Variants in ENPEP observed in about 807,000 individuals in gnomAD.
ENPEP encodes glutamyl aminopeptidase, also known as AP-A.
ENPEP carries 103 observed loss-of-function variants against 114.5 expected under a neutral mutation model. That is an observed-to-expected ratio of 0.90 (90% CI 0.77 to 1.06). The LOEUF is 1.06. ENPEP is among the 50% of genes least tolerant of loss of function. ENPEP has a pLI of 0.00. For synonymous variants in ENPEP, 420 were observed against 422.0 expected (o/e 1.00, Z 0.06); for missense variants, 1,196 against 1,161.3 (o/e 1.03, Z -0.43).
chr4:110,496,491 C>G (rs571076371), intron 3 of ENPEP, among the ~76,000 whole-genome samples: 1 of 152,270 alleles, frequency 6.6e-6, no homozygotes, highest in South Asian at 2.1e-4. Context: ...CAATGTAATA[C>G]AATACTATTA....
chr4:110,531,554 G>C (rs907202731), intron 11 of ENPEP, among the ~76,000 whole-genome samples: 1 of 152,030 alleles, frequency 6.6e-6, no homozygotes, highest in Non-Finnish European at 1.5e-5. Flanking sequence ...AGATCAATGT[G>C]TAAGTTTCCT....
At chr4:110,480,042 A>C (rs1481670058) in intron 1 of ENPEP, among the ~76,000 whole-genome samples, 1 of 152,160 alleles carries the variant, frequency 6.6e-6, no homozygotes, top group East Asian at 1.9e-4. Context: ...AGCTCAGTTG[A>C]CTTAACTTTT....
In ENPEP at chr4:110,549,716, C is replaced by A. The variant is rs1328848677; in HGVS notation, c.2331C>A (p.Ser777Arg). 11 of 1,612,654 alleles carry A rather than the reference C, an allele frequency of 6.8e-6. No homozygotes were observed. The highest frequency in any genetic ancestry group is 7.6e-6 in the Non-Finnish European group (9 of 1,179,370). ...TCTGAAACACTGTTTCTTCTTCTAG[C>A]CTTCCCGTAAATCTCAGGCTTCTGG... ...LFEQWLNGTV[S>R]LPVNLRLLVY... Residue 777 changes from serine to arginine, a missense_variant and splice_region_variant, in exon 17 of 20, where the codon AGC becomes AGA. Physicochemically the swap from Ser to Arg is moderately radical, Grantham distance 110 (BLOSUM62 -1). Coordinates refer to ENST00000265162, the MANE Select transcript of ENPEP (RefSeq NM_001977.4).
chr4:110,523,541 G>A (rs1388079143), intron 10 of ENPEP, among the ~76,000 whole-genome samples: 1 of 152,144 alleles, frequency 6.6e-6, no homozygotes, highest in Non-Finnish European at 1.5e-5. Flanking sequence ...TTGGACCATG[G>A]TGTAAGAAAT....
intron 13 of ENPEP, among the ~76,000 whole-genome samples, chr4:110,546,380 A>T (rs1167054716): frequency 6.6e-6 from 1 of 151,346 alleles, no homozygotes; most frequent in African/African-American, 2.4e-5. Context: ...CAATTACTTT[A>T]TATTGTCCTC....
chr4:110,505,091 G>C (rs558549765), intron 3 of ENPEP, among the ~76,000 whole-genome samples: 6 of 152,258 alleles, frequency 3.9e-5, no homozygotes, highest in African/African-American at 1.2e-4. Context: ...TGAGACTCTT[G>C]GTTTATGACA....
intron 2 of ENPEP, among the ~76,000 whole-genome samples, 185 bp downstream of exon 2, chr4:110,488,867 T>TCA (rs1473886868): frequency 1.3e-5 from 2 of 152,340 alleles, no homozygotes; most frequent in South Asian, 2.1e-4. Flanking sequence ...CTGTAAGGTA[T>TCA]CACAGTCCAG....
chr4:110,515,346 A>G, intron 7 of ENPEP, 31 bp from the exon 8 acceptor site: 1 of 1,554,896 alleles, frequency 6.4e-7, no homozygotes, highest in South Asian at 1.1e-5. Context: ...AGCCTTTATT[A>G]GTTTCATTTG....
intron 8 of ENPEP, chr4:110,518,893 C>T: frequency 9.8e-6 from 3 of 307,554 alleles, no homozygotes; most frequent in Non-Finnish European, 1.9e-5. Context: ...TAGAAATTGT[C>T]ATCAAAACAC....
rs570578186 is a variant in ENPEP, at chr4:110,477,038, C to T, written c.624C>T (p.Tyr208=). ...GSLVGFYRTT[Y]TENGQVKSIV... is the part of the protein sequence containing the mutation. ...TCGTGGGATTTTATAGAACCACCTA[C>T]ACGGAGAACGGACAAGTCAAGTAAA... Residue 208 remains tyrosine, a synonymous_variant, in exon 1 of 20, where the codon TAC becomes TAT. Coordinates refer to ENST00000265162, the MANE Select transcript of ENPEP (RefSeq NM_001977.4). 16 of 1,613,936 alleles carry T rather than the reference C, an allele frequency of 9.9e-6. No homozygotes were observed. In the East Asian group the frequency reaches 3.6e-4, roughly 36 times the overall value.
chr4:110,477,963 G>A (rs7670649), intron 1 of ENPEP, among the ~76,000 whole-genome samples: 130,155 of 152,130 alleles, frequency 0.86, 55,818 homozygotes, highest in Middle Eastern at 0.93. Flanking sequence ...CACTGTGGAT[G>A]TAGCCCTTGC....
rs150414907 is a variant in ENPEP, at chr4:110,496,250, G to A, written c.918+5086G>A. Among the ~76,000 whole-genome samples, 158 of 152,180 alleles carry A rather than the reference G, an allele frequency of 1.0e-3. No homozygotes were observed. In the Middle Eastern group the frequency reaches 0.027, roughly 26 times the overall value. On this transcript the variant is annotated intron_variant, in intron 3 of 19. Transcript: ENST00000265162. ...TTAAAAACAGCCTATCTTTATAACA[G>A]TTTTAGGTTTTGTGCCATAGACTTT...
intron 11 of ENPEP, among the ~76,000 whole-genome samples, chr4:110,534,519 T>TTTC (rs1329479185): frequency 2.7e-5 from 4 of 145,488 alleles, no homozygotes; most frequent in Admixed American, 6.9e-5. Context: ...TTTTTTTTTT[T>TTTC]TTTTTGGGAC....
At chr4:110,540,247 G>T (rs1726800922) in intron 11 of ENPEP, among the ~76,000 whole-genome samples, 1 of 151,936 alleles carries the variant, frequency 6.6e-6, no homozygotes, top group South Asian at 2.1e-4. Context: ...AAACAGTAGG[G>T]TCCCATTATA....
intron 18 of ENPEP, among the ~76,000 whole-genome samples, chr4:110,557,916 C>T (rs1174111716): frequency 2.0e-5 from 3 of 151,982 alleles, no homozygotes; most frequent in Admixed American, 2.0e-4. Context: ...GCATATTTCT[C>T]CCTGTTACCA....
At chr4:110,492,025 C>A (rs115061102) in intron 3 of ENPEP, among the ~76,000 whole-genome samples, 4 of 151,902 alleles carry the variant, frequency 2.6e-5, no homozygotes, top group African/African-American at 9.7e-5. Flanking sequence ...CTGGCCCAAT[C>A]GTTTTCTTTT....
At chr4:110,553,501 A>G (rs765965915) in intron 18 of ENPEP, 46 bp downstream of exon 18, 5 of 1,564,664 alleles carry the variant, frequency 3.2e-6, no homozygotes, top group South Asian at 2.4e-5. Context: ...GTTTCATACT[A>G]TCTACTGGTT....
intron 10 of ENPEP, among the ~76,000 whole-genome samples, chr4:110,521,208 A>C (rs886706303): frequency 6.6e-6 from 1 of 152,040 alleles, no homozygotes; most frequent in African/African-American, 2.4e-5. Context: ...CTCTACAAAA[A>C]ATTTTTAAAA....
At chr4:110,484,169 C>A (rs1724416865) in intron 1 of ENPEP, among the ~76,000 whole-genome samples, 1 of 152,110 alleles carries the variant, frequency 6.6e-6, no homozygotes, top group Admixed American at 6.5e-5. Flanking sequence ...TATATCCTAA[C>A]CACATTATGT....
Sources: allele counts gnomAD v4.1 joint callset (sites outside exome capture counted in the v4.1 genomes callset), GRCh38; gene constraint gnomAD v4.1.1; transcripts MANE v1.5; gene names NCBI Gene and HGNC (gene_info 2026-07-23, HGNC 2026-07-21).